The following RPH3A variants were observed in gnomAD, a reference collection of about 807,000 sequenced individuals.
The protein encoded by RPH3A is rabphilin-3A.
Under a neutral mutation model 102.2 loss-of-function variants are expected in RPH3A, and 48 were observed. The observed-to-expected ratio is 0.47, with a 90% CI of 0.37 to 0.60. The LOEUF (loss-of-function observed/expected upper bound fraction) is 0.60, where lower values mean the gene tolerates loss of function less well. Ranked by LOEUF, RPH3A falls within the 20% of genes least tolerant of loss-of-function variation. RPH3A has a pLI of 0.00. For synonymous variants in RPH3A, 310 were observed against 324.3 expected (o/e 0.96, Z 0.47); for missense variants, 781 against 910.1 (o/e 0.86, Z 1.83).
intron 1 of RPH3A, among the ~76,000 whole-genome samples, chr12:112,681,693 T>G (rs993645457): frequency 6.6e-6 from 1 of 152,296 alleles, no homozygotes; most frequent in African/African-American, 2.4e-5. Flanking sequence ...ATATTAATCA[T>G]GAGATATTTA....
chr12:112,586,413 A>G (rs2135961090), intron 1 of RPH3A, among the ~76,000 whole-genome samples: 1 of 152,278 alleles, frequency 6.6e-6, no homozygotes, highest in East Asian at 1.9e-4. Flanking sequence ...ATGTCAGGCC[A>G]TCTGAAAAGG....
At chr12:112,868,669 G>T in intron 8 of RPH3A, 74 bp downstream of exon 8, 2 of 1,500,494 alleles carry the variant, frequency 1.3e-6, no homozygotes, top group Non-Finnish European at 9.0e-7. Flanking sequence ...GGGATGGCCT[G>T]ACATCATGTC....
chr12:112,840,156 A>G (rs948053576), intron 4 of RPH3A, among the ~76,000 whole-genome samples: 6 of 152,082 alleles, frequency 3.9e-5, no homozygotes, highest in Non-Finnish European at 8.8e-5. Context: ...TTTTTCCCCA[A>G]TGTTTGTCGC....
At chr12:112,894,061 G>A (rs1298063680) in intron 19 of RPH3A, 1 of 157,112 alleles carries the variant, frequency 6.4e-6, no homozygotes, top group Non-Finnish European at 1.4e-5. Context: ...AGTTTAAAAG[G>A]AACCCAGTAC....
At chr12:112,738,424 T>C (rs1186808125) in intron 1 of RPH3A, among the ~76,000 whole-genome samples, 1 of 152,148 alleles carries the variant, frequency 6.6e-6, no homozygotes. Flanking sequence ...TCTTAACTAA[T>C]GACATCTGCA....
intron 4 of RPH3A, among the ~76,000 whole-genome samples, chr12:112,842,536 C>G (rs765463719): frequency 1.3e-4 from 20 of 152,192 alleles, no homozygotes; most frequent in Non-Finnish European, 2.6e-4. Context: ...CCTGCGTCCC[C>G]TCTCTTAGGT....
intron 11 of RPH3A, among the ~76,000 whole-genome samples, 185 bp downstream of exon 11, chr12:112,875,355 G>A (rs2072124): frequency 0.31 from 47,276 of 151,954 alleles, 8,193 homozygotes; most frequent in East Asian, 0.5. Flanking sequence ...GCAGGGAGTG[G>A]GAGGAGGAGG....
chr12:112,875,003 C>T, intron 10 of RPH3A, 81 bp from the exon 11 acceptor site: 1 of 1,221,974 alleles, frequency 8.2e-7, no homozygotes, highest in Non-Finnish European at 1.2e-6. Flanking sequence ...CACCCCACAC[C>T]AGCTGAGTGG....
intron 10 of RPH3A, among the ~76,000 whole-genome samples, chr12:112,873,482 C>T (rs1272072154): frequency 6.6e-6 from 1 of 152,202 alleles, no homozygotes; most frequent in African/African-American, 2.4e-5. Flanking sequence ...ATCTCAGAGT[C>T]CTCCCTCACA....
Position 112,703,774 on chromosome 12 carries a change from T to C in RPH3A, c.-139-88369T>C, listed in dbSNP as rs566054487. Among the ~76,000 whole-genome samples the C allele has an allele frequency of 1.3e-5, 2 of 152,238 alleles. 1 individual carries two copies. The highest frequency in any genetic ancestry group is 4.1e-4 in the South Asian group (2 of 4,824). Reference sequence around the variant, plus strand: ...TCCACATCTGCCCACCCCAAAACCTTTAAAAACCCTAGCCCCAAACTCCTT... The same window carrying C: ...TCCACATCTGCCCACCCCAAAACCTCTAAAAACCCTAGCCCCAAACTCCTT... On this transcript the variant is annotated intron_variant, in intron 1 of 21. Transcript: ENST00000543106.
intron 1 of RPH3A, among the ~76,000 whole-genome samples, chr12:112,624,205 A>G (rs2039753730): frequency 7.2e-6 from 1 of 138,390 alleles, no homozygotes; most frequent in Non-Finnish European, 1.6e-5. Flanking sequence ...GAAATAACTA[A>G]AATCAGAGCA....
At chr12:112,868,678 T>C in intron 8 of RPH3A, 83 bp downstream of exon 8, 1 of 1,456,878 alleles carries the variant, frequency 6.9e-7, no homozygotes, top group Non-Finnish European at 9.3e-7. Flanking sequence ...TGACATCATG[T>C]CTGTGTTTCC....
At chr12:112,807,786 T>A (rs1448320478) in intron 2 of RPH3A, among the ~76,000 whole-genome samples, 1 of 152,154 alleles carries the variant, frequency 6.6e-6, no homozygotes, top group African/African-American at 2.4e-5. Context: ...CTCTTCCAGA[T>A]CTTTCTTCAA....
At chr12:112,863,259 G>A (rs187820714) in intron 5 of RPH3A, among the ~76,000 whole-genome samples, 33 of 152,266 alleles carry the variant, frequency 2.2e-4, no homozygotes, top group African/African-American at 7.2e-4. Flanking sequence ...TGTCATCTGC[G>A]TGCATATTAA....
intron 1 of RPH3A, among the ~76,000 whole-genome samples, chr12:112,767,488 A>T (rs1029331551): frequency 3.3e-5 from 5 of 152,008 alleles, no homozygotes; most frequent in African/African-American, 1.2e-4. Context: ...GCTCTGCCTG[A>T]CTCTGTATGA....
In RPH3A at chr12:112,809,151, C is replaced by G. The variant is rs78524472; in HGVS notation, c.-19+16888C>G. On this transcript the variant is annotated intron_variant, in intron 2 of 21. Transcript: ENST00000389385. Reference sequence around the variant, plus strand: ...CATCTGTATAATGGACCCTAAACCTCCCAAACTAAGGATGGGACTTGCAAC... The same window carrying G: ...CATCTGTATAATGGACCCTAAACCTGCCAAACTAAGGATGGGACTTGCAAC... Among the ~76,000 whole-genome samples the G allele has an allele frequency of 3.9e-3, 594 of 152,218 alleles. 4 individuals are homozygous for G. Among genetic ancestry groups the G allele is most frequent in the Non-Finnish European group, 5.8e-3 (394 of 68,006 alleles).
intron 1 of RPH3A, among the ~76,000 whole-genome samples, chr12:112,642,454 G>A (rs2039897357): frequency 6.6e-6 from 1 of 152,094 alleles, no homozygotes; most frequent in South Asian, 2.1e-4. Flanking sequence ...TGAAATCTTT[G>A]GAGACACACT....
In RPH3A at chr12:112,760,806, C is replaced by T. The variant is rs547482654; in HGVS notation, c.-139-31337C>T. Among the ~76,000 whole-genome samples, 6 of 152,294 alleles carry T rather than the reference C, an allele frequency of 3.9e-5. No individual in the cohort carries two copies. The South Asian group carries it at 8.3e-4, about 21-fold the overall frequency. On this transcript the variant is annotated intron_variant, in intron 1 of 21. Transcript: ENST00000543106. The stretch of plus-strand genomic sequence containing the variant: ...TCCATTCTCTGCGCATGGCAGCCAT[C>T]GATAATCAGTCACGGCTCTCTGCAT...
intron 8 of RPH3A, 33 bp from the exon 9 acceptor site, chr12:112,869,726 G>A: frequency 3.7e-6 from 6 of 1,612,802 alleles, no homozygotes; most frequent in Non-Finnish European, 5.1e-6. Context: ...CAGAAAACCA[G>A]TACTCCTCAT....
Sources: gnomAD v4.1 joint callset for allele counts (sites outside exome capture counted in the v4.1 genomes callset) on GRCh38, gnomAD v4.1.1 for gene constraint, MANE v1.5 for transcripts, NCBI Gene and HGNC (gene_info 2026-07-23, HGNC 2026-07-21) for gene names.